KDM4A: variants seen among roughly 807,000 people sequenced by gnomAD.
KDM4A encodes the protein lysine-specific demethylase 4A.
Under a neutral mutation model 127.1 loss-of-function variants are expected in KDM4A, and 23 were observed. The ratio of observed to expected loss-of-function variants is 0.18; its 90% CI spans 0.13 to 0.26. The LOEUF is 0.26. Among genes scored for constraint, KDM4A ranks in the 10% least tolerant of loss-of-function variants. KDM4A has a pLI of 1.00. For missense variants in KDM4A, 890 were observed against 1,329.1 expected, an observed-to-expected ratio of 0.67 and a Z score of 5.14; for synonymous variants, 443 against 466.5, an observed-to-expected ratio of 0.95 and a Z score of 0.65.
In KDM4A at chr1:43,667,943, G is replaced by A. The variant is rs745894264; in HGVS notation, c.1087G>A (p.Ala363Thr). The A allele has an allele frequency of 6.2e-7, 1 of 1,614,158 alleles. No homozygotes were observed. The highest frequency in any genetic ancestry group is 1.1e-5 in the South Asian group (1 of 91,084). ...TAAGGAGAGTGAACTGCCTCCAAGA[G>A]CTGGCAACGAGGAGGAGTGCCCAGA... ...FLKESELPPR[A>T]GNEEECPEED... Residue 363 changes from alanine to threonine, a missense_variant, in exon 9 of 22, where the codon GCT becomes ACT. Physicochemically the swap from Ala to Thr is moderately conservative, Grantham distance 58 (BLOSUM62 0). Coordinates refer to ENST00000372396, the MANE Select transcript of KDM4A (RefSeq NM_014663.3).
intron 19 of KDM4A, among the ~76,000 whole-genome samples, chr1:43,700,844 TC>T (rs57215809): frequency 0.073 from 11,038 of 152,136 alleles, 1,336 homozygotes; most frequent in African/African-American, 0.25. Context: ...TTTTATAACA[TC>T]ATACTTTGGT....
intron 11 of KDM4A, among the ~76,000 whole-genome samples, chr1:43,672,608 C>T (rs1400343378): frequency 6.6e-6 from 1 of 152,080 alleles, no homozygotes; most frequent in Non-Finnish European, 1.5e-5. Context: ...CATTCTCCTG[C>T]CTCAGCCTCC....
At chr1:43,692,390 T>C in intron 16 of KDM4A, 79 bp downstream of exon 16, 2 of 1,191,364 alleles carry the variant, frequency 1.7e-6, no homozygotes, top group Non-Finnish European at 2.5e-6. Context: ...GTACTAGCTG[T>C]TCTTCTGAAT....
intron 2 of KDM4A, among the ~76,000 whole-genome samples, chr1:43,654,653 C>T (rs1413780251): frequency 2.0e-5 from 3 of 149,080 alleles, no homozygotes; most frequent in Non-Finnish European, 4.4e-5. Context: ...GCTCCCTTTC[C>T]GTATTTTCTT....
At chr1:43,679,903 CCTGGGAGT>C (rs1452189034) in intron 11 of KDM4A, among the ~76,000 whole-genome samples, 1 of 152,098 alleles carries the variant, frequency 6.6e-6, no homozygotes, top group Non-Finnish European at 1.5e-5. Flanking sequence ...CAGGCAGGGC[CCTGGGAGT>C]CTGCCTGCTA....
Position 43,683,573 on chromosome 1 carries a change from T to C in KDM4A, c.1735-111T>C, listed in dbSNP as rs1660904639. The C allele has an allele frequency of 1.6e-5, 20 of 1,267,736 alleles. No homozygotes were observed. In the South Asian group the frequency reaches 2.8e-4, roughly 18 times the overall value. The allele number at this position is 1,267,736 out of a possible 1,614,324, so 78.5% of individuals were successfully genotyped here. ...GGTATTTTCTGTTTGGTATTATATGTCTTTTTGTTTCTCTGTGCCCCTCTC... is the reference window on the plus strand; with the variant it reads ...GGTATTTTCTGTTTGGTATTATATGCCTTTTTGTTTCTCTGTGCCCCTCTC... On this transcript the variant is annotated intron_variant, in intron 11 of 21. Coordinates refer to ENST00000372396, the MANE Select transcript of KDM4A (RefSeq NM_014663.3).
At chr1:43,699,427 T>C (rs1299257223) in intron 19 of KDM4A, among the ~76,000 whole-genome samples, 3 of 152,142 alleles carry the variant, frequency 2.0e-5, no homozygotes, top group Admixed American at 2.0e-4. Context: ...GCTGGTACAG[T>C]ATGCCAGGCA....
rs1314137075 is a variant in KDM4A, at chr1:43,657,125, C to T, written c.314+1359C>T. Among the ~76,000 whole-genome samples the T allele has an allele frequency of 5.3e-5, 8 of 151,658 alleles. No homozygotes were observed. The East Asian group carries it at 7.8e-4, about 15-fold the overall frequency. ...TTGGTCTTGAACTCCTGGGCTCAAGCGATCCTCCTGCCTCAGCCTCCCAAA... is the reference window on the plus strand; with the variant it reads ...TTGGTCTTGAACTCCTGGGCTCAAGTGATCCTCCTGCCTCAGCCTCCCAAA... On this transcript the variant is annotated intron_variant, in intron 3 of 21. Coordinates refer to ENST00000372396, the MANE Select transcript of KDM4A (RefSeq NM_014663.3).
intron 11 of KDM4A, among the ~76,000 whole-genome samples, chr1:43,680,242 G>A (rs1660828306): frequency 6.6e-6 from 1 of 152,094 alleles, no homozygotes; most frequent in South Asian, 2.1e-4. Context: ...CTTCGGACTT[G>A]GACACCAGGT....
chr1:43,685,838 G>A (rs1660961926), intron 12 of KDM4A, among the ~76,000 whole-genome samples: 1 of 152,170 alleles, frequency 6.6e-6, no homozygotes, highest in Non-Finnish European at 1.5e-5. Context: ...AGTCAGAAGT[G>A]TGGCAGGACC....
chr1:43,678,751 C>T (rs1291476617), intron 11 of KDM4A, among the ~76,000 whole-genome samples: 1 of 152,026 alleles, frequency 6.6e-6, no homozygotes, highest in Non-Finnish European at 1.5e-5. Flanking sequence ...TCATGCCCAG[C>T]TAAGTTTTTT....
intron 3 of KDM4A, among the ~76,000 whole-genome samples, chr1:43,659,725 T>G (rs1660327630): frequency 6.6e-6 from 1 of 152,236 alleles, no homozygotes; most frequent in South Asian, 2.1e-4. Context: ...AAAATCTATA[T>G]TTTTAGAGCT....
chr1:43,660,789 G>T (rs901463476), intron 4 of KDM4A, among the ~76,000 whole-genome samples: 2 of 142,276 alleles, frequency 1.4e-5, no homozygotes, highest in African/African-American at 2.5e-5. Context: ...TTTAAGAAGA[G>T]AAATACATTT....
intron 11 of KDM4A, among the ~76,000 whole-genome samples, chr1:43,672,387 C>T (rs1385284160): frequency 3.3e-5 from 5 of 152,040 alleles, no homozygotes; most frequent in African/African-American, 1.2e-4. Flanking sequence ...CAGGGTTTCA[C>T]CATGTTGGCC....
At position 43,694,051 on chromosome 1, in the gene KDM4A, A is replaced by G; in HGVS notation, c.2433A>G (p.Ala811=). The change falls in exon 17 of 22, where the codon GCA becomes GCG. Residue 811 remains alanine (A), a synonymous_variant. Coordinates refer to ENST00000372396, the MANE Select transcript of KDM4A (RefSeq NM_014663.3). The surrounding 1 kb of genome is among the most constrained non-coding windows in gnomAD (Gnocchi z 5.2). ...AILEARFVNI[A]ERSPVDVSKI... ...TGGAAGCAAGGTTTGTCAACATTGC[A>G]GAAAGAAGTCCGGTGGATGTGAGCA... 6.2e-7 allele frequency: 1 copy of G among 1,614,280 alleles called. No individual in the cohort carries two copies. The highest frequency in any genetic ancestry group is 8.5e-7 in the Non-Finnish European group (1 of 1,180,042).
rs1007573648 is a variant in KDM4A, at chr1:43,659,023, G to T, written c.315-1275G>T. On this transcript the variant is annotated intron_variant, in intron 3 of 21. Transcript: ENST00000372396. ...GAGTATAGATATTTTTAGACTGGGTGCATTGGCTAACTTCTATAATCCCAT... is the reference window on the plus strand; with the variant it reads ...GAGTATAGATATTTTTAGACTGGGTTCATTGGCTAACTTCTATAATCCCAT... Among the ~76,000 whole-genome samples the T allele has an allele frequency of 1.6e-4, 25 of 152,006 alleles. No individual in the cohort carries two copies. In the East Asian group the frequency reaches 4.1e-3, roughly 25 times the overall value.
rs373828651 is a variant in KDM4A, at chr1:43,689,062, C to T, written c.2004C>T (p.Cys668=). 44 of 1,614,106 alleles carry T rather than the reference C, an allele frequency of 2.7e-5. No individual in the cohort carries two copies. The highest frequency in any genetic ancestry group is 1.6e-4 in the Middle Eastern group (1 of 6,084). ...NETMAQQAPH[C]AVCMIFQTYH... is the part of the protein sequence containing the mutation. The stretch of plus-strand genomic sequence containing the variant: ...CCATGGCCCAACAGGCCCCTCACTG[C>T]GCTGTCTGTATGATCTTCCAGACTT... The change falls in exon 13 of 22, where the codon TGC becomes TGT. Residue 668 remains cysteine (C), a synonymous_variant. Coordinates refer to ENST00000372396, the MANE Select transcript of KDM4A (RefSeq NM_014663.3).
At chr1:43,695,317 A>G (rs1661216635) in intron 18 of KDM4A, among the ~76,000 whole-genome samples, 1 of 152,252 alleles carries the variant, frequency 6.6e-6, no homozygotes, top group African/African-American at 2.4e-5. Flanking sequence ...TCTTAATGGT[A>G]AAGCTTAGAG....
chr1:43,677,434 T>C (rs1179765895), intron 11 of KDM4A, among the ~76,000 whole-genome samples: 1 of 152,146 alleles, frequency 6.6e-6, no homozygotes, highest in Non-Finnish European at 1.5e-5. Flanking sequence ...AAAAATTCTT[T>C]AGCATAATTT....
Sources: gnomAD v4.1 joint callset for allele counts (sites outside exome capture counted in the v4.1 genomes callset) on GRCh38, gnomAD v4.1.1 for gene constraint, Gnocchi (gnomAD v3.1) non-coding constraint, MANE v1.5 for transcripts, NCBI Gene and HGNC (gene_info 2026-07-23, HGNC 2026-07-21) for gene names.